Variants in RPUSD4 observed in about 807,000 individuals in gnomAD.
RPUSD4 encodes pseudouridylate synthase RPUSD4, mitochondrial.
RPUSD4 carries 37 observed loss-of-function variants against 35.4 expected under a neutral mutation model. That is an observed-to-expected ratio of 1.04 (90% CI 0.80 to 1.37). The LOEUF (loss-of-function observed/expected upper bound fraction) is 1.37, where lower values mean the gene tolerates loss of function less well. Among genes scored for constraint, RPUSD4 ranks in the 40% most tolerant of loss-of-function variants. The probability of loss-of-function intolerance (pLI) is 0.00; values close to 1 mark genes in which losing one functional copy is unlikely to be tolerated. For missense variants in RPUSD4, 507 were observed against 484.9 expected (o/e 1.05, Z -0.43); for synonymous variants, 210 against 192.7 (o/e 1.09, Z -0.74).
Position 126,203,389 on chromosome 11 carries a change from T to C in RPUSD4, c.*29A>G, listed in dbSNP as rs1307802518. 5.0e-6 allele frequency: 8 copies of C among 1,604,966 alleles called. No homozygotes were observed. Among genetic ancestry groups the C allele is most frequent in the Non-Finnish European group, 5.9e-6 (7 of 1,177,912 alleles). ...GATGCTCTCAGGGTCTTCACTGTGC[T>C]CCCAGGTGCCAGGGTGCTCCCATGG... is the stretch of plus-strand genomic sequence containing the variant. On this transcript the variant is annotated 3_prime_UTR_variant, in exon 7 of 7. Coordinates refer to ENST00000298317, the MANE Select transcript of RPUSD4 (RefSeq NM_032795.3).
In RPUSD4 at chr11:126,210,979, T is replaced by C; in HGVS notation, c.266A>G (p.Asn89Ser). Reference protein sequence around the residue: ...FTRQLQRVHPNVLAKALTRGI... With the variant: ...FTRQLQRVHPSVLAKALTRGI... ...TCGGGTCAGTGCCTTAGCAAGCACG[T>C]TGGGGTGGACTCGCTGCAGCTGCCG... The change falls in exon 2 of 7, where the codon AAC (asparagine) becomes AGC (serine). Residue 89 changes from asparagine to serine, a missense_variant. Asn to Ser is a conservative substitution (Grantham distance 46, BLOSUM62 1). Transcript: ENST00000298317. The C allele has an allele frequency of 6.2e-7, 1 of 1,614,128 alleles. No homozygotes were observed. The highest frequency in any genetic ancestry group is 8.5e-7 in the Non-Finnish European group (1 of 1,180,026).
Position 126,208,914 on chromosome 11 carries a change from CAGG to C in RPUSD4, c.557+604_557+606del, listed in dbSNP as rs1490010414. On this transcript the variant is annotated intron_variant, in intron 3 of 6. Coordinates refer to ENST00000298317, the MANE Select transcript of RPUSD4 (RefSeq NM_032795.3). ...AGAATGGCAGAATGGGTGGATTCTC[CAGG>C]AGTTTTTCACATGATCTTTGTTGTT... The C allele has an allele frequency of 1.3e-5, 2 of 152,338 alleles. 1 individual carries two copies. Among genetic ancestry groups the C allele is most frequent in the Admixed American group, 1.3e-4 (2 of 15,306 alleles). The allele number at this position is 152,338 out of a possible 1,614,324, so 9.4% of individuals were successfully genotyped here.
chr11:126,210,520 T>TACATACATACATACACACACACACAC (rs746246254), intron 2 of RPUSD4, among the ~76,000 whole-genome samples: 12 of 60,254 alleles, frequency 2.0e-4, no homozygotes, highest in Non-Finnish European at 2.7e-4. Flanking sequence ...CCAACATACA[T>TACATACATACATACACACACACACAC]ACACACACAC....
At chr11:126,207,993 T>C (rs73623815) in intron 3 of RPUSD4, among the ~76,000 whole-genome samples, 2,284 of 152,002 alleles carry the variant, frequency 0.015, 63 homozygotes, top group African/African-American at 0.051. Context: ...TGATAGCCAA[T>C]ATCACTGTTA....
In RPUSD4 at chr11:126,211,532, G is replaced by C. The variant is rs1220608982; in HGVS notation, c.107C>G (p.Ala36Gly). The C allele has an allele frequency of 3.1e-6, 5 of 1,613,952 alleles. No homozygotes were observed. The highest frequency in any genetic ancestry group is 3.4e-6 in the Non-Finnish European group (4 of 1,179,794). The stretch of plus-strand genomic sequence containing the variant: ...CTGGGCATTTATGGCCGTAGAGGCA[G>C]CGGCAGCGGCACAAAATGGCTTTGA... ...LVSKPFCAAAAASTAINAQRL... is the reference protein window; with the variant it reads ...LVSKPFCAAAGASTAINAQRL... Residue 36 changes from alanine (A) to glycine (G), a missense_variant, in exon 1 of 7, where the codon GCT becomes GGT. Ala to Gly is a moderately conservative substitution (Grantham distance 60, BLOSUM62 0). Coordinates refer to ENST00000298317, the MANE Select transcript of RPUSD4 (RefSeq NM_032795.3).
intron 3 of RPUSD4, chr11:126,209,169 T>C (rs1342361694): frequency 9.8e-6 from 2 of 203,728 alleles, no homozygotes; most frequent in African/African-American, 4.7e-5. Context: ...CTTCTTACTT[T>C]TTATAGAGAA....
Position 126,203,392 on chromosome 11 carries a change from C to T in RPUSD4, c.*26G>A, listed in dbSNP as rs2135094294. 6.2e-7 allele frequency: 1 copy of T among 1,605,704 alleles called. No individual in the cohort carries two copies. Among genetic ancestry groups the T allele is most frequent in the East Asian group, 2.2e-5 (1 of 44,820 alleles). On this transcript the variant is annotated 3_prime_UTR_variant, in exon 7 of 7. Transcript: ENST00000298317. ...GCTCTCAGGGTCTTCACTGTGCTCC[C>T]AGGTGCCAGGGTGCTCCCATGGTCT...
At position 126,204,300 on chromosome 11, in the gene RPUSD4, C is replaced by G. The variant is rs756347968; in HGVS notation, c.825G>C (p.Leu275Phe). The part of the protein sequence containing the change: ...TGIKHQLRVH[L>F]SFGLDCPILG... ...GGATTGGACAATCCAATCCAAAAGACAAGTGAACTCGAAGCTGATGTTTTA... is the reference window on the plus strand; with the variant it reads ...GGATTGGACAATCCAATCCAAAAGAGAAGTGAACTCGAAGCTGATGTTTTA... The change falls in exon 6 of 7, where the codon TTG (leucine) becomes TTC (phenylalanine). Residue 275 changes from leucine to phenylalanine, a missense_variant. Coordinates refer to ENST00000298317, the MANE Select transcript of RPUSD4 (RefSeq NM_032795.3). 6.2e-7 allele frequency: 1 copy of G among 1,612,968 alleles called. No individual in the cohort carries two copies. Among genetic ancestry groups the G allele is most frequent in the South Asian group, 1.1e-5 (1 of 91,000 alleles).
rs1350956709 is a variant in RPUSD4 at position 126,205,755 on chromosome 11, G to A, written c.584C>T (p.Pro195Leu). 3 of 1,611,208 alleles carry A rather than the reference G, an allele frequency of 1.9e-6. No homozygotes were observed. The highest frequency in any genetic ancestry group is 2.5e-6 in the Non-Finnish European group (3 of 1,178,314). The change falls in exon 4 of 7, where the codon CCC becomes CTC. Residue 195 changes from proline to leucine, a missense_variant. Pro to Leu is a moderately conservative substitution (Grantham distance 98). Transcript: ENST00000298317. ...GGGGATGTCCACGACTCCTGCTGAGGGCATGGGGACATGCACAGTGATGGC... is the reference window on the plus strand; with the variant it reads ...GGGGATGTCCACGACTCCTGCTGAGAGCATGGGGACATGCACAGTGATGGC... Reference protein sequence around the residue: ...YWAITVHVPMPSAGVVDIPIV... With the variant: ...YWAITVHVPMLSAGVVDIPIV...
chr11:126,211,122 G>A (rs1591492364), intron 1 of RPUSD4, 67 bp from the exon 2 acceptor site: 3 of 1,557,520 alleles, frequency 1.9e-6, no homozygotes, highest in Non-Finnish European at 2.6e-6. Context: ...CTTCCATAAA[G>A]GTCTGGGTGA....
intron 6 of RPUSD4, 117 bp from the exon 7 acceptor site, chr11:126,203,774 A>G (rs1036893868): frequency 3.1e-6 from 4 of 1,279,170 alleles, no homozygotes; most frequent in African/African-American, 1.5e-5. Flanking sequence ...TGGAAGACAC[A>G]GTAATGGAGA....
rs1022338621 is a variant in RPUSD4, at chr11:126,203,103, C to G, written c.*315G>C. 3.9e-6 allele frequency: 1 copy of G among 256,678 alleles called. No homozygotes were observed. Among genetic ancestry groups the G allele is most frequent in the African/African-American group, 2.2e-5 (1 of 45,698 alleles). The allele number at this position is 256,678 out of a possible 1,614,324, so 15.9% of individuals were successfully genotyped here. On this transcript the variant is annotated 3_prime_UTR_variant, in exon 7 of 7. Transcript: ENST00000298317. ...TGACCTTTAGTTTTCCTTTTCCAGT[C>G]ACTGCCCCAGTCTGCCTGGCCCTGG...
chr11:126,210,922 A>G lies in RPUSD4; in HGVS notation c.323T>C (p.Val108Ala), dbSNP rs767584522. 1.1e-5 allele frequency: 17 copies of G among 1,613,974 alleles called. No homozygotes were observed. Among genetic ancestry groups the G allele is most frequent in the South Asian group, 6.6e-5 (6 of 91,070 alleles). The change falls in exon 2 of 7, where the codon GTC becomes GCC. Residue 108 changes from valine (V) to alanine (A), a missense_variant. Coordinates refer to ENST00000298317, the MANE Select transcript of RPUSD4 (RefSeq NM_032795.3). ...AGGGAGACCGTAGGGCTTATTGATG[A>G]CCACAAGGTTCTTGTCCTGGTGGAG... ...GILHQDKNLV[V>A]INKPYGLPVH... is the part of the protein sequence containing the mutation.
In RPUSD4 at chr11:126,211,477, T is replaced by C; in HGVS notation, c.162A>G (p.Lys54=). 1.9e-6 allele frequency: 3 copies of C among 1,613,952 alleles called. No individual in the cohort carries two copies. The highest frequency in any genetic ancestry group is 2.5e-6 in the Non-Finnish European group (3 of 1,179,908). ...QRLAEKLRAQ[K]REQDTKKEPV... ...GCTCCTTCTTTGTGTCTTGTTCCCG[T>C]TTCTGGGCTCGGAGCTTCTCCGCTA... Residue 54 remains lysine, a synonymous_variant, in exon 1 of 7, where the codon AAA becomes AAG. Transcript: ENST00000298317.
rs901165697 is a variant in RPUSD4, at chr11:126,211,596, C to T, written c.43G>A (p.Gly15Arg). Reference sequence around the variant, plus strand: ...AGACTCCCGCAACCTTGGCCGTTTCCCCGGATCCAGGGGCCCGACGCGCTC... The same window carrying T: ...AGACTCCCGCAACCTTGGCCGTTTCTCCGGATCCAGGGGCCCGACGCGCTC... ...RWSASGPWIR[G>R]NGQGCGSLFT... is the part of the protein sequence containing the mutation. The change falls in exon 1 of 7, where the codon GGA (glycine) becomes AGA (arginine). Residue 15 changes from glycine to arginine, a missense_variant. Physicochemically the swap from Gly to Arg is moderately radical, Grantham distance 125 (BLOSUM62 -2). Transcript: ENST00000298317. The T allele has an allele frequency of 3.7e-6, 6 of 1,614,152 alleles. No individual in the cohort carries two copies. The highest frequency in any genetic ancestry group is 5.1e-6 in the Non-Finnish European group (6 of 1,180,036).
At position 126,205,582 on chromosome 11, in the gene RPUSD4, C is replaced by G. The variant is rs143531642; in HGVS notation, c.682G>C (p.Asp228His). The change falls in exon 5 of 7, where the codon GAT (aspartate) becomes CAT (histidine). Residue 228 changes from aspartate to histidine, a missense_variant. Transcript: ENST00000298317. ...CGCCGCACTTTCACCATTTTCCCAT[C>G]GTCCATGCGGTAGCTCGGGGACAAT... ...MTLSPSYRMDDGKMVKVRRSR... is the reference protein window; with the variant it reads ...MTLSPSYRMDHGKMVKVRRSR... 908 of 1,614,170 alleles carry G rather than the reference C, an allele frequency of 5.6e-4. 2 individuals carry two copies. Among genetic ancestry groups the G allele is most frequent in the Admixed American group, 1.2e-3 (75 of 60,034 alleles).
intron 3 of RPUSD4, 118 bp downstream of exon 3, chr11:126,209,403 T>A: frequency 2.5e-6 from 2 of 808,792 alleles, no homozygotes; most frequent in Non-Finnish European, 4.0e-6. Context: ...TTTTTTACAA[T>A]CTCGCAGGTC....
chr11:126,211,234 T>A, intron 1 of RPUSD4, 179 bp from the exon 2 acceptor site: 1 of 902,108 alleles, frequency 1.1e-6, no homozygotes, highest in Non-Finnish European at 1.7e-6. Flanking sequence ...ACCGACGCAG[T>A]GGTTAGGACT....
chr11:126,210,923 C>T lies in RPUSD4; in HGVS notation c.322G>A (p.Val108Ile), dbSNP rs752729553. 1.2e-6 allele frequency: 2 copies of T among 1,614,026 alleles called. No homozygotes were observed. The highest frequency in any genetic ancestry group is 1.1e-5 in the South Asian group (1 of 91,080). Residue 108 changes from valine (V) to isoleucine (I), a missense_variant, in exon 2 of 7, where the codon GTC becomes ATC. Transcript: ENST00000298317. ...GILHQDKNLV[V>I]INKPYGLPVH... ...GGGAGACCGTAGGGCTTATTGATGA[C>T]CACAAGGTTCTTGTCCTGGTGGAGA...
Sources: allele counts gnomAD v4.1 joint callset (sites outside exome capture counted in the v4.1 genomes callset), GRCh38; gene constraint gnomAD v4.1.1; transcripts MANE v1.5; gene names NCBI Gene and HGNC (gene_info 2026-07-23, HGNC 2026-07-21).